MLLT3: variants seen among roughly 807,000 people sequenced by gnomAD.
MLLT3 encodes MLLT3 super elongation complex subunit.
In MLLT3, 4 loss-of-function variants were observed where a neutral mutation model predicts 53.2. The observed-to-expected ratio is 0.08, with a 90% CI of 0.04 to 0.17. The LOEUF is 0.17. Ranked by LOEUF, MLLT3 falls within the 10% of genes least tolerant of loss-of-function variation. MLLT3 has a pLI of 1.00. For missense variants in MLLT3, 569 were observed against 684.0 expected, an observed-to-expected ratio of 0.83 and a Z score of 1.87; for synonymous variants, 283 against 230.6, an observed-to-expected ratio of 1.23 and a Z score of -2.06.
At chr9:20,500,434 A>T (rs1825193060) in intron 2 of MLLT3, among the ~76,000 whole-genome samples, 1 of 152,236 alleles carries the variant, frequency 6.6e-6, no homozygotes, top group Non-Finnish European at 1.5e-5. Context: ...TGGCTGAAAC[A>T]GGCACAAAAG....
intron 2 of MLLT3, among the ~76,000 whole-genome samples, chr9:20,604,603 A>G (rs1426137668): frequency 3.3e-5 from 5 of 152,086 alleles, no homozygotes; most frequent in African/African-American, 1.2e-4. Flanking sequence ...CACAGCTAGC[A>G]TATCTGCAAA....
chr9:20,422,062 A>G (rs191751359), intron 4 of MLLT3, among the ~76,000 whole-genome samples: 1 of 152,306 alleles, frequency 6.6e-6, no homozygotes, highest in East Asian at 1.9e-4. Context: ...AGAGCCACTG[A>G]GACCCAAAAT....
chr9:20,417,214 G>A (rs1212723503), intron 4 of MLLT3, among the ~76,000 whole-genome samples: 2 of 134,286 alleles, frequency 1.5e-5, no homozygotes, highest in Non-Finnish European at 3.1e-5. Flanking sequence ...TATATATATG[G>A]GGGTCTTGTC....
At chr9:20,540,461 A>G (rs1300739886) in intron 2 of MLLT3, among the ~76,000 whole-genome samples, 1 of 152,158 alleles carries the variant, frequency 6.6e-6, no homozygotes, top group African/African-American at 2.4e-5. Context: ...TGCCTTCTGC[A>G]CACCCACAGG....
At chr9:20,454,659 C>A (rs1186316235) in intron 3 of MLLT3, among the ~76,000 whole-genome samples, 13 of 151,992 alleles carry the variant, frequency 8.6e-5, no homozygotes, top group Non-Finnish European at 1.2e-4. Flanking sequence ...TATGGTGTAG[C>A]CCGATCCCTA....
chr9:20,549,282 T>C (rs1198076614), intron 2 of MLLT3, among the ~76,000 whole-genome samples: 1 of 152,140 alleles, frequency 6.6e-6, no homozygotes, highest in Non-Finnish European at 1.5e-5. Context: ...GCCAAAACAC[T>C]GGACACAAAG....
chr9:20,547,627 A>G (rs1818821106), intron 2 of MLLT3, among the ~76,000 whole-genome samples: 1 of 136,118 alleles, frequency 7.3e-6, no homozygotes, highest in African/African-American at 2.9e-5. Context: ...CTGGACAACA[A>G]GAGTGAAACT....
intron 2 of MLLT3, among the ~76,000 whole-genome samples, chr9:20,477,975 C>T (rs766293069): frequency 6.6e-6 from 1 of 152,340 alleles, no homozygotes. Context: ...GCCTTTGCAA[C>T]TTCATCCTCT....
chr9:20,578,799 A>G (rs576316649), intron 2 of MLLT3, among the ~76,000 whole-genome samples: 8 of 152,200 alleles, frequency 5.3e-5, no homozygotes, highest in Non-Finnish European at 8.8e-5. Flanking sequence ...TATGAAATCT[A>G]AATACATACC....
intron 5 of MLLT3, among the ~76,000 whole-genome samples, chr9:20,379,093 C>T (rs1037605724): frequency 6.6e-6 from 1 of 152,046 alleles, no homozygotes; most frequent in African/African-American, 2.4e-5. Flanking sequence ...TGCCTTTTAC[C>T]GCCTTTTCTC....
chr9:20,550,412 C>G (rs1421914097), intron 2 of MLLT3, among the ~76,000 whole-genome samples: 1 of 151,746 alleles, frequency 6.6e-6, no homozygotes, highest in African/African-American at 2.4e-5. Context: ...TGGTGCCATT[C>G]GTTTCACTGT....
At chr9:20,549,584 C>T (rs1818876083) in intron 2 of MLLT3, among the ~76,000 whole-genome samples, 1 of 152,172 alleles carries the variant, frequency 6.6e-6, no homozygotes, top group African/African-American at 2.4e-5. Flanking sequence ...ATGGAAATGA[C>T]AGTTAATGAA....
rs777152242 is a variant in MLLT3 at position 20,353,613 on chromosome 9, T to A, written c.1504-17A>T. 3.7e-6 allele frequency: 6 copies of A among 1,609,454 alleles called. No homozygotes were observed. In the East Asian group the frequency reaches 1.3e-4, roughly 36 times the overall value. On this transcript the variant is annotated splice_polypyrimidine_tract_variant and intron_variant, in intron 9 of 10. Coordinates refer to ENST00000380338, the MANE Select transcript of MLLT3 (RefSeq NM_004529.4). ...TAGGTATGCCTGAAAGAGAAGAATG[T>A]CCCCGAAAAGGACAAGCACTTTAAG...
intron 2 of MLLT3, among the ~76,000 whole-genome samples, chr9:20,478,086 G>A (rs890622980): frequency 6.6e-6 from 1 of 151,782 alleles, no homozygotes; most frequent in African/African-American, 2.4e-5. Context: ...CTGCCCTGGG[G>A]CTTAGTGTCG....
intron 2 of MLLT3, among the ~76,000 whole-genome samples, chr9:20,542,926 C>A (rs936042856): frequency 1.3e-5 from 2 of 152,246 alleles, no homozygotes; most frequent in Non-Finnish European, 1.5e-5. Context: ...TACGTCAGCA[C>A]TTGCTGCTTC....
intron 4 of MLLT3, among the ~76,000 whole-genome samples, chr9:20,432,184 G>C (rs1823288732): frequency 6.6e-6 from 1 of 152,138 alleles, no homozygotes; most frequent in Non-Finnish European, 1.5e-5. Flanking sequence ...CAAACACAGT[G>C]TCTCATTTAA....
intron 2 of MLLT3, among the ~76,000 whole-genome samples, chr9:20,527,683 C>T (rs1818237951): frequency 6.6e-6 from 1 of 152,170 alleles, no homozygotes; most frequent in South Asian, 2.1e-4. Flanking sequence ...AAAACAATAA[C>T]TAAACTGGAA....
intron 2 of MLLT3, among the ~76,000 whole-genome samples, chr9:20,608,966 T>A (rs1563842188): frequency 6.6e-6 from 1 of 151,950 alleles, no homozygotes. Context: ...TCTCAAAATG[T>A]GGGGTAAAGA....
intron 2 of MLLT3, among the ~76,000 whole-genome samples, chr9:20,511,332 A>G (rs764760159): frequency 2.6e-5 from 4 of 152,234 alleles, no homozygotes; most frequent in Non-Finnish European, 5.9e-5. Context: ...TGGAAAGAAT[A>G]TATGCAAATA....
Sources: gnomAD v4.1 joint callset for allele counts (sites outside exome capture counted in the v4.1 genomes callset) on GRCh38, gnomAD v4.1.1 for gene constraint, MANE v1.5 for transcripts, NCBI Gene and HGNC (gene_info 2026-07-23, HGNC 2026-07-21) for gene names.